RASA3: variants seen among roughly 807,000 people sequenced by gnomAD.
RASA3 encodes the protein RAS p21 protein activator 3, also known as ras GTPase-activating protein 3.
In RASA3, 73 loss-of-function variants were observed where a neutral mutation model predicts 110.0. The ratio of observed to expected loss-of-function variants is 0.66; its 90% CI spans 0.55 to 0.81. The LOEUF is 0.81. Among genes scored for constraint, RASA3 ranks in the 30% least tolerant of loss-of-function variants. RASA3 has a pLI of 0.00. For missense variants in RASA3, 976 were observed against 1,113.2 expected, an observed-to-expected ratio of 0.88 and a Z score of 1.75; for synonymous variants, 500 against 451.4, an observed-to-expected ratio of 1.11 and a Z score of -1.37.
At chr13:114,017,453 G>T in intron 11 of RASA3, 102 bp from the exon 12 acceptor site, 2 of 913,036 alleles carry the variant, frequency 2.2e-6, no homozygotes, top group Non-Finnish European at 3.6e-6. Flanking sequence ...TGTGAGGTCA[G>T]TGCACGCCCA....
Position 114,041,111 on chromosome 13 carries a change from G to A in RASA3, c.278-17C>T. ...CCACCTTCCCTGCAACACAAGCAGA[G>A]AAGACTTCACCACGGGCACAGGCCC... On this transcript the variant is annotated splice_polypyrimidine_tract_variant and intron_variant, in intron 3 of 23. Transcript: ENST00000334062. 1.2e-6 allele frequency: 2 copies of A among 1,611,316 alleles called. No individual in the cohort carries two copies. Among genetic ancestry groups the A allele is most frequent in the East Asian group, 2.2e-5 (1 of 44,882 alleles).
chr13:114,040,768 A>ACGCG (rs2054386435), intron 4 of RASA3, among the ~76,000 whole-genome samples: 3 of 117,726 alleles, frequency 2.5e-5, no homozygotes, highest in African/African-American at 8.1e-5. Flanking sequence ...AATCCATGGC[A>ACGCG]GAGCCTGCGC....
intron 3 of RASA3, among the ~76,000 whole-genome samples, chr13:114,042,131 C>T (rs999796468): frequency 3.9e-5 from 6 of 152,370 alleles, no homozygotes; most frequent in African/African-American, 9.6e-5. Flanking sequence ...TCTGCTTATA[C>T]GTTCACCTCA....
intron 16 of RASA3, among the ~76,000 whole-genome samples, 182 bp downstream of exon 16, chr13:114,010,989 G>A (rs1162912343): frequency 6.6e-6 from 1 of 152,150 alleles, no homozygotes; most frequent in East Asian, 1.9e-4. Flanking sequence ...TTTAGGAGGG[G>A]AGAGGTGAGC....
chr13:113,999,320 C>T (rs1355677349), intron 20 of RASA3, among the ~76,000 whole-genome samples: 1 of 152,192 alleles, frequency 6.6e-6, no homozygotes, highest in Non-Finnish European at 1.5e-5. Flanking sequence ...CGGGGGACGC[C>T]ACCTGAAGCA....
At chr13:114,070,279 C>A (rs928432944) in intron 2 of RASA3, among the ~76,000 whole-genome samples, 34 of 151,494 alleles carry the variant, frequency 2.2e-4, no homozygotes, top group African/African-American at 8.3e-4. Context: ...GTGGGTGCCA[C>A]CATGGAGCAA....
At chr13:114,122,630 C>T (rs1224187045) in intron 1 of RASA3, among the ~76,000 whole-genome samples, 1 of 152,204 alleles carries the variant, frequency 6.6e-6, no homozygotes, top group Admixed American at 6.5e-5. Flanking sequence ...CAGGTGGGTT[C>T]GCCCCTGCCC....
chr13:114,116,335 T>G (rs1262784717), intron 1 of RASA3, among the ~76,000 whole-genome samples: 1 of 152,074 alleles, frequency 6.6e-6, no homozygotes, highest in Non-Finnish European at 1.5e-5. Flanking sequence ...ACTATTAACC[T>G]AGAGACCCCC....
Position 114,011,825 on chromosome 13 carries a change from C to T in RASA3, c.1513-577G>A, listed in dbSNP as rs1014472976. Among the ~76,000 whole-genome samples the T allele has an allele frequency of 1.1e-4, 17 of 151,964 alleles. No homozygotes were observed. Among genetic ancestry groups the T allele is most frequent in the African/African-American group, 2.2e-4 (9 of 41,356 alleles). On this transcript the variant is annotated intron_variant, in intron 15 of 23. Coordinates refer to ENST00000334062, the MANE Select transcript of RASA3 (RefSeq NM_007368.4). This position sits in a 1 kb window ranked among gnomAD's most constrained non-coding sequence, Gnocchi z 4.8. Reference sequence around the variant, plus strand: ...TAATCCAAGCTACTAGGGAGGCTGACGCACGAGAATTGCTTGAACCCAGGA... The same window carrying T: ...TAATCCAAGCTACTAGGGAGGCTGATGCACGAGAATTGCTTGAACCCAGGA...
intron 4 of RASA3, among the ~76,000 whole-genome samples, chr13:114,036,752 G>C (rs527663427): frequency 6.6e-6 from 1 of 152,212 alleles, no homozygotes; most frequent in East Asian, 1.9e-4. Flanking sequence ...GGTCAGGCTG[G>C]TCTCAAACAC....
intron 3 of RASA3, among the ~76,000 whole-genome samples, chr13:114,043,551 T>C (rs1427583399): frequency 1.3e-5 from 2 of 152,208 alleles, no homozygotes; most frequent in South Asian, 4.2e-4. Flanking sequence ...AAGATCAGCC[T>C]GGTGACCTCA....
At chr13:114,010,095 C>T (rs1297277046) in intron 16 of RASA3, among the ~76,000 whole-genome samples, 5 of 152,216 alleles carry the variant, frequency 3.3e-5, no homozygotes, top group South Asian at 2.1e-4. Context: ...CAGCCCACAG[C>T]GCAGGGCCTG....
intron 1 of RASA3, among the ~76,000 whole-genome samples, chr13:114,127,483 C>A (rs2080466503): frequency 6.6e-6 from 1 of 152,258 alleles, no homozygotes; most frequent in South Asian, 2.1e-4. Context: ...CACAGACCAG[C>A]AGCCCCTTCC....
intron 2 of RASA3, among the ~76,000 whole-genome samples, chr13:114,069,386 A>G (rs1250738202): frequency 7.0e-6 from 1 of 143,128 alleles, no homozygotes; most frequent in Non-Finnish European, 1.5e-5. Context: ...ATGAACCATC[A>G]GACCTTAAAG....
At chr13:113,979,466 G>T in intron 23 of RASA3, 44 bp from the exon 24 acceptor site, 2 of 1,474,076 alleles carry the variant, frequency 1.4e-6, no homozygotes, top group Non-Finnish European at 1.9e-6. Flanking sequence ...AGACCCCGTT[G>T]CCTGGTGCTC....
At chr13:114,045,917 G>A (rs184797907) in intron 3 of RASA3, among the ~76,000 whole-genome samples, 1 of 128,678 alleles carries the variant, frequency 7.8e-6, no homozygotes, top group Non-Finnish European at 1.6e-5. Context: ...AAACACTGAT[G>A]AGAGAAATTG....
intron 1 of RASA3, among the ~76,000 whole-genome samples, chr13:114,091,275 T>C (rs1227220822): frequency 1.3e-5 from 2 of 151,926 alleles, no homozygotes; most frequent in African/African-American, 4.8e-5. Context: ...GATTTCCCCA[T>C]TTGGTGTGAG....
intron 22 of RASA3, among the ~76,000 whole-genome samples, chr13:113,990,870 G>A (rs1033891385): frequency 6.6e-6 from 1 of 152,260 alleles, no homozygotes; most frequent in African/African-American, 2.4e-5. Flanking sequence ...GTGTGTACAT[G>A]GCTATGCATA....
intron 18 of RASA3, among the ~76,000 whole-genome samples, chr13:114,001,794 C>A (rs1434009517): frequency 7.2e-5 from 11 of 152,234 alleles, no homozygotes; most frequent in African/African-American, 2.2e-4. Flanking sequence ...CCGGGGCAGG[C>A]AGCAGACGCC....
Sources: gnomAD v4.1 joint callset for allele counts (sites outside exome capture counted in the v4.1 genomes callset) on GRCh38, gnomAD v4.1.1 for gene constraint, Gnocchi (gnomAD v3.1) non-coding constraint, MANE v1.5 for transcripts, NCBI Gene and HGNC (gene_info 2026-07-23, HGNC 2026-07-21) for gene names.